The following DRC8 variants were observed in gnomAD, a reference collection of about 807,000 sequenced individuals.
DRC8 encodes dynein regulatory complex subunit 8.
the DRC8 span, among the ~76,000 whole-genome samples, chr1:245,048,665 C>T: frequency 6.6e-6 from 1 of 152,060 alleles, no homozygotes; most frequent in Non-Finnish European, 1.5e-5. Context: ...CTCCTTCTCC[C>T]TCTCTCCCCC....
chr1:244,989,322 A>G, the DRC8 span, among the ~76,000 whole-genome samples: 1 of 152,182 alleles, frequency 6.6e-6, no homozygotes, highest in Non-Finnish European at 1.5e-5. Context: ...GAGTCCCATC[A>G]AGGACACCAG....
At chr1:244,978,854 G>A in the DRC8 span, among the ~76,000 whole-genome samples, 1 of 152,154 alleles carries the variant, frequency 6.6e-6, no homozygotes, top group East Asian at 1.9e-4. Flanking sequence ...CTAGAATTTG[G>A]ACATTGCCTT....
At chr1:244,985,144 T>C in the DRC8 span, among the ~76,000 whole-genome samples, 1 of 150,504 alleles carries the variant, frequency 6.6e-6, no homozygotes, top group Non-Finnish European at 1.5e-5. Context: ...TACACTTCAT[T>C]ATACGCTTCA....
the DRC8 span, among the ~76,000 whole-genome samples, chr1:245,022,764 T>C: frequency 6.6e-6 from 1 of 152,080 alleles, no homozygotes. Context: ...TGTGGTAAAA[T>C]ATAGATAACC....
At chr1:244,979,292 CTTTTTTTTTTTTTTT>C in the DRC8 span, among the ~76,000 whole-genome samples, 90 of 51,380 alleles carry the variant, frequency 1.8e-3, no homozygotes, top group Non-Finnish European at 2.4e-3. Flanking sequence ...CGAAGCTTAT[CTTTTTTTTTTTTTTT>C]TTTTTTTTTT....
At chr1:244,970,713 C>T in the DRC8 span, 1 of 493,814 alleles carries the variant, frequency 2.0e-6, no homozygotes, top group South Asian at 2.8e-5. Context: ...CTTCTCTCTC[C>T]CCTCCTCCCG....
At chr1:245,105,867 A>C in the DRC8 span, among the ~76,000 whole-genome samples, 2,237 of 152,244 alleles carry the variant, frequency 0.015, 57 homozygotes, top group African/African-American at 0.051. Context: ...ACCTGAGGCC[A>C]GGAGTTTGAG....
chr1:244,995,345 G>C, the DRC8 span, among the ~76,000 whole-genome samples: 1 of 150,920 alleles, frequency 6.6e-6, no homozygotes, highest in Non-Finnish European at 1.5e-5. Flanking sequence ...TGAGTGACAA[G>C]AGCAAGACTC....
the DRC8 span, among the ~76,000 whole-genome samples, chr1:245,055,961 C>T: frequency 6.6e-6 from 1 of 152,114 alleles, no homozygotes; most frequent in African/African-American, 2.4e-5. Context: ...TGGCCATTTA[C>T]AGGTGTGTAA....
At chr1:245,011,673 A>C in the DRC8 span, among the ~76,000 whole-genome samples, 6 of 152,222 alleles carry the variant, frequency 3.9e-5, no homozygotes, top group Admixed American at 6.5e-5. Flanking sequence ...GAGTTAGGGT[A>C]GTCCTAGATT....
At chr1:245,030,407 A>C in the DRC8 span, among the ~76,000 whole-genome samples, 1 of 152,220 alleles carries the variant, frequency 6.6e-6, no homozygotes, top group Non-Finnish European at 1.5e-5. Context: ...GATTTAAAGT[A>C]TATGGAAGGA....
the DRC8 span, among the ~76,000 whole-genome samples, chr1:245,090,405 C>T: frequency 6.6e-6 from 1 of 152,222 alleles, no homozygotes; most frequent in African/African-American, 2.4e-5. Context: ...CTTTTCTTCT[C>T]CTGTGTTATT....
the DRC8 span, among the ~76,000 whole-genome samples, chr1:245,106,399 A>C: frequency 6.6e-6 from 1 of 152,340 alleles, no homozygotes; most frequent in East Asian, 1.9e-4. Context: ...AATTATTTAG[A>C]TAAATGATAA....
the DRC8 span, chr1:244,969,903 A>C: frequency 1.3e-5 from 6 of 448,966 alleles, no homozygotes; most frequent in African/African-American, 4.1e-5. Flanking sequence ...CGGGAGGAGG[A>C]GGCCGGGCCG....
the DRC8 span, among the ~76,000 whole-genome samples, chr1:245,024,285 C>G: frequency 6.6e-6 from 1 of 152,108 alleles, no homozygotes; most frequent in Admixed American, 6.6e-5. Context: ...ATAGCTCATG[C>G]TGCAGAGAAT....
the DRC8 span, among the ~76,000 whole-genome samples, chr1:244,975,382 T>G: frequency 1.3e-5 from 2 of 152,222 alleles, no homozygotes. Flanking sequence ...AAGTAAGACT[T>G]GAATTTGAAT....
At chr1:245,116,107 C>T in the DRC8 span, among the ~76,000 whole-genome samples, 1 of 151,826 alleles carries the variant, frequency 6.6e-6, no homozygotes, top group African/African-American at 2.4e-5. Context: ...AGGCTGGTCT[C>T]GAACTCCTGG....
At chr1:245,101,425 T>G in the DRC8 span, among the ~76,000 whole-genome samples, 1 of 152,222 alleles carries the variant, frequency 6.6e-6, no homozygotes. Context: ...GGGACCAGAT[T>G]ACTTTACAGG....
At chr1:245,121,697 C>T in the DRC8 span, among the ~76,000 whole-genome samples, 2 of 152,062 alleles carry the variant, frequency 1.3e-5, no homozygotes, top group African/African-American at 4.8e-5. Flanking sequence ...AGGTACGGAT[C>T]TGAACCAAAA....
Sources: allele counts gnomAD v4.1 joint callset (sites outside exome capture counted in the v4.1 genomes callset), GRCh38; gene constraint gnomAD v4.1.1; transcripts MANE v1.5; gene names NCBI Gene and HGNC (gene_info 2026-07-23, HGNC 2026-07-21).